Variants in PRH1 observed in about 807,000 individuals in gnomAD.
PRH1 encodes the protein salivary acidic proline-rich phosphoprotein 1/2.
In PRH1, 7 loss-of-function variants were observed where a neutral mutation model predicts 7.9. The ratio of observed to expected loss-of-function variants is 0.89; its 90% confidence interval spans 0.50 to 1.67. The LOEUF (loss-of-function observed/expected upper bound fraction) is 1.67, where lower values mean the gene tolerates loss of function less well. Ranked by LOEUF, PRH1 falls within the 40% of genes most tolerant of loss-of-function variation. The pLI is 0.00. For missense variants in PRH1, 109 were observed against 223.6 expected, an observed-to-expected ratio of 0.49 and a Z score of 3.27; for synonymous variants, 45 against 80.8, an observed-to-expected ratio of 0.56 and a Z score of 2.38.
At position 10,939,169 on chromosome 12, in the gene PRH1, T is replaced by G. The variant is rs373054388; in HGVS notation, c.-59+34486A>C. ...AATTTCCAATTATAAATTCCACAAT[T>G]AAAACGAATGTAAATATGCTCTTTA... On this transcript the variant is annotated intron_variant, in intron 2 of 3. Transcript: ENST00000539853. 6.9e-6 allele frequency: 11 copies of G among 1,598,342 alleles called. No homozygotes were observed. In the African/African-American group the frequency reaches 1.2e-4, roughly 18 times the overall value.
At chr12:10,986,588 G>T in intron 1 of PRH1, 1 of 1,613,998 alleles carries the variant, frequency 6.2e-7, no homozygotes, top group African/African-American at 1.3e-5. Flanking sequence ...TGAAATGGTT[G>T]GTTACAACCC....
At chr12:11,074,191 T>TCACG (rs1944201794) in intron 1 of PRH1, among the ~76,000 whole-genome samples, 1 of 55,054 alleles carries the variant, frequency 1.8e-5, no homozygotes, top group Non-Finnish European at 5.0e-5. Context: ...AAAGCTTAGT[T>TCACG]GCTCACTTCA....
intron 1 of PRH1, among the ~76,000 whole-genome samples, chr12:11,100,953 T>C (rs1393485045): frequency 6.6e-6 from 1 of 152,184 alleles, no homozygotes; most frequent in Non-Finnish European, 1.5e-5. Flanking sequence ...AATATTTCAT[T>C]TAGAGACACA....
chr12:10,962,580 T>A (rs557939974), intron 2 of PRH1, among the ~76,000 whole-genome samples: 251 of 152,372 alleles, frequency 1.6e-3, no homozygotes, highest in Non-Finnish European at 2.5e-3. Context: ...GAAACCAGAA[T>A]AGGCAAATTC....
chr12:11,046,279 C>T (rs1035024122), intron 1 of PRH1, among the ~76,000 whole-genome samples: 3 of 152,112 alleles, frequency 2.0e-5, no homozygotes, highest in Admixed American at 1.3e-4. Context: ...CTATCTCTGT[C>T]TTCACTGTGC....
chr12:11,116,527 A>G (rs772070568), downstream of PRH1, among the ~76,000 whole-genome samples: 4 of 152,100 alleles, frequency 2.6e-5, no homozygotes, highest in Non-Finnish European at 4.4e-5. Flanking sequence ...TCCTACACAA[A>G]CTATTCTGAA....
chr12:10,902,724 T>C (rs1949740923), intron 2 of PRH1, among the ~76,000 whole-genome samples: 1 of 152,152 alleles, frequency 6.6e-6, no homozygotes, highest in South Asian at 2.1e-4. Flanking sequence ...TTCAGCATTC[T>C]TAAAGGAAAG....
chr12:11,133,759 C>A, intron 1 of PRH1: 1 of 1,614,182 alleles, frequency 6.2e-7, no homozygotes, highest in Non-Finnish European at 8.5e-7. Flanking sequence ...TCTTCCAAGT[C>A]ACGTTTCCTT....
At chr12:11,088,637 A>G (rs1944787558) in intron 1 of PRH1, among the ~76,000 whole-genome samples, 1 of 113,230 alleles carries the variant, frequency 8.8e-6, no homozygotes, top group Non-Finnish European at 2.1e-5. Flanking sequence ...GGGATTTTGG[A>G]GACAACATAT....
At chr12:11,009,199 C>T (rs1711543591) in intron 1 of PRH1, among the ~76,000 whole-genome samples, 1 of 151,606 alleles carries the variant, frequency 6.6e-6, no homozygotes, top group African/African-American at 2.4e-5. Context: ...GTCTACTGTT[C>T]CTTGGAAACA....
chr12:10,908,754 G>C, intron 2 of PRH1: 1 of 1,613,944 alleles, frequency 6.2e-7, no homozygotes, highest in South Asian at 1.1e-5. Flanking sequence ...CATAGTCATA[G>C]TGAATTTGAC....
At position 11,168,302 on chromosome 12, in the gene PRH1, AGG is replaced by A. The variant is rs1389610977; in HGVS notation, n.39+3118_39+3119del. Among the ~76,000 whole-genome samples, 271 of 51,702 alleles carry A rather than the reference AGG, an allele frequency of 5.2e-3. 61 individuals carry two copies. Among genetic ancestry groups the A allele is most frequent in the Middle Eastern group, 0.016 (2 of 128 alleles). 33.9% of individuals were successfully genotyped at this position (51,702 alleles called of 152,430 possible). On this transcript the variant is annotated intron_variant and non_coding_transcript_variant, in intron 1 of 1. Coordinates refer to the PRH1 transcript ENST00000541175. ...AAAGAAAGAAAGAAAGAAAGAAAGAAGGAAGGAAGGAAGGAAGGAAGGAAGGA... is the reference window on the plus strand; with the variant it reads ...AAAGAAAGAAAGAAAGAAAGAAAGAAAAGGAAGGAAGGAAGGAAGGAAGGA...
intron 1 of PRH1, among the ~76,000 whole-genome samples, chr12:11,012,211 T>C (rs1941099113): frequency 6.6e-6 from 1 of 152,172 alleles, no homozygotes; most frequent in Non-Finnish European, 1.5e-5. Flanking sequence ...TTAAGATGAA[T>C]AGATGTTAAA....
chr12:11,052,923 G>C (rs1236185602), intron 1 of PRH1, among the ~76,000 whole-genome samples: 1 of 79,116 alleles, frequency 1.3e-5, no homozygotes, highest in Non-Finnish European at 3.4e-5. Context: ...TGATTTTTTT[G>C]ATTTTTTGTT....
chr12:10,927,592 T>C (rs1388739901), intron 2 of PRH1, among the ~76,000 whole-genome samples: 1 of 152,236 alleles, frequency 6.6e-6, no homozygotes, highest in Non-Finnish European at 1.5e-5. Flanking sequence ...CATTGTTGTC[T>C]GTAGAAAAAT....
chr12:11,140,749 A>G (rs1946680096), intron 1 of PRH1, among the ~76,000 whole-genome samples: 1 of 152,000 alleles, frequency 6.6e-6, no homozygotes, highest in Non-Finnish European at 1.5e-5. Flanking sequence ...TCCTTGTTTC[A>G]CCTCTCCATA....
intron 1 of PRH1, among the ~76,000 whole-genome samples, chr12:11,067,357 T>C (rs1337690494): frequency 6.6e-6 from 1 of 152,202 alleles, no homozygotes; most frequent in Non-Finnish European, 1.5e-5. Flanking sequence ...TAGGTCTATA[T>C]ATTTAACCTC....
At chr12:11,134,150 G>C in intron 1 of PRH1, 1 of 1,614,004 alleles carries the variant, frequency 6.2e-7, no homozygotes, top group Non-Finnish European at 8.5e-7. Flanking sequence ...CCACTCAATG[G>C]AATTTACCAA....
chr12:11,048,102 A>G (rs151022988), upstream of PRH1, among the ~76,000 whole-genome samples: 25 of 152,180 alleles, frequency 1.6e-4, no homozygotes, highest in Non-Finnish European at 2.8e-4. Context: ...TTTGTGGTCA[A>G]TGTTGTTATT....
Sources: gnomAD v4.1 joint callset for allele counts (sites outside exome capture counted in the v4.1 genomes callset) on GRCh38, gnomAD v4.1.1 for gene constraint, MANE v1.5 for transcripts, NCBI Gene and HGNC (gene_info 2026-07-23, HGNC 2026-07-21) for gene names.